Variants in BICDL1 observed in about 807,000 individuals in gnomAD.
BICDL1 encodes the protein BICD family like cargo adaptor 1.
In BICDL1, 20 loss-of-function variants were observed where a neutral mutation model predicts 76.8. The ratio of observed to expected loss-of-function variants is 0.26; its 90% CI spans 0.18 to 0.38. The LOEUF (loss-of-function observed/expected upper bound fraction) is 0.38. Among genes scored for constraint, BICDL1 ranks in the 10% least tolerant of loss-of-function variants. BICDL1 has a pLI of 1.00. For missense variants in BICDL1, 700 were observed against 798.6 expected (o/e 0.88, Z 1.49); for synonymous variants, 383 against 337.1 (o/e 1.14, Z -1.49).
At chr12:120,024,696 TTTC>T (rs1952253186) in intron 2 of BICDL1, among the ~76,000 whole-genome samples, 1 of 152,124 alleles carries the variant, frequency 6.6e-6, no homozygotes. Flanking sequence ...TCTTTCTTTC[TTTC>T]TTTTTTTTAA....
chr12:120,047,674 T>C (rs1386526918), intron 2 of BICDL1, among the ~76,000 whole-genome samples: 1 of 151,680 alleles, frequency 6.6e-6, no homozygotes, highest in African/African-American at 2.4e-5. Flanking sequence ...TGAAAGGTAG[T>C]TTTTTTTTAA....
chr12:120,084,890 CAA>C (rs1241742796), intron 8 of BICDL1, among the ~76,000 whole-genome samples: 22 of 124,284 alleles, frequency 1.8e-4, no homozygotes, highest in Admixed American at 2.5e-4. Flanking sequence ...GACTCTGTCT[CAA>C]AAAAAAAAAA....
intron 1 of BICDL1, among the ~76,000 whole-genome samples, chr12:119,993,839 C>T (rs1191370828): frequency 3.9e-5 from 6 of 152,184 alleles, no homozygotes; most frequent in Non-Finnish European, 5.9e-5. Flanking sequence ...TGGTCTTGAA[C>T]TCCTGACCTC....
Position 120,094,150 on chromosome 12 carries a change from C to CCTGCAGTGGCTGCTGCTCCTGCCT in BICDL1, c.*996_*1019dup, listed in dbSNP as rs1227813962. Reference sequence around the variant, plus strand: ...GATGCTGCCTGCCTGCCTGCAGAAGCCTGCAGTGGCTGCTGCTCCTGCCTC... The same window carrying CCTGCAGTGGCTGCTGCTCCTGCCT: ...GATGCTGCCTGCCTGCCTGCAGAAGCCTGCAGTGGCTGCTGCTCCTGCCTCTGCAGTGGCTGCTGCTCCTGCCTC... On this transcript the variant is annotated 3_prime_UTR_variant, in exon 10 of 10. Coordinates refer to ENST00000548673, the MANE Select transcript of BICDL1 (RefSeq NM_001367886.1). 3 of 444,250 alleles carry CCTGCAGTGGCTGCTGCTCCTGCCT rather than the reference C, an allele frequency of 6.8e-6. No individual in the cohort carries two copies. Among genetic ancestry groups the CCTGCAGTGGCTGCTGCTCCTGCCT allele is most frequent in the Non-Finnish European group, 1.4e-5 (3 of 219,212 alleles). 27.5% of individuals were successfully genotyped at this position (444,250 alleles called of 1,614,324 possible). A position where few individuals can be genotyped will look rare whatever the true frequency, so the allele number is the denominator to read the frequency against.
chr12:120,050,416 G>A lies in BICDL1; in HGVS notation c.646-11294G>A, dbSNP rs559748558. On this transcript the variant is annotated intron_variant, in intron 2 of 9. Transcript: ENST00000548673. ...CAAGTAGTTGGGACTACAGGTGCCC[G>A]CCACCACGCCCAGCTAATTTTTTTG... Among the ~76,000 whole-genome samples, 7 of 149,454 alleles carry A rather than the reference G, an allele frequency of 4.7e-5. No individual in the cohort carries two copies. The East Asian group carries it at 8.2e-4, about 18-fold the overall frequency.
intron 1 of BICDL1, among the ~76,000 whole-genome samples, chr12:119,991,134 A>T (rs1399969616): frequency 6.6e-6 from 1 of 152,166 alleles, no homozygotes; most frequent in Non-Finnish European, 1.5e-5. Context: ...ATTTCTAAAA[A>T]TTAGATTGCA....
chr12:120,091,526 G>T (rs1028027797), intron 9 of BICDL1: 28 of 960,458 alleles, frequency 2.9e-5, no homozygotes, highest in Non-Finnish European at 3.0e-5. Context: ...GAGGGACCGT[G>T]TGTTGGCAAA....
rs77244470 is a variant in BICDL1, at chr12:120,027,787, A to C, written c.645+29051A>C. ...AGCATCCAAAATATGTTTGGTCTCC[A>C]CAGAACTAGGTTAGCTATTTTCATC... On this transcript the variant is annotated intron_variant, in intron 2 of 9. Transcript: ENST00000548673. 8.5e-3 allele frequency among the ~76,000 whole-genome samples: 1,293 copies of C among 152,318 alleles called. 16 individuals carry two copies. The highest frequency in any genetic ancestry group is 0.029 in the African/African-American group (1,209 of 41,554).
intron 8 of BICDL1, among the ~76,000 whole-genome samples, chr12:120,082,926 G>T (rs531787546): frequency 9.9e-5 from 15 of 152,020 alleles, no homozygotes; most frequent in Admixed American, 2.6e-4. Context: ...TGTCACCCAT[G>T]CTCACAGCTC....
At chr12:120,089,747 A>T (rs1874801903) in intron 8 of BICDL1, among the ~76,000 whole-genome samples, 1 of 152,204 alleles carries the variant, frequency 6.6e-6, no homozygotes, top group Non-Finnish European at 1.5e-5. Context: ...CAGGTTGGTT[A>T]TGAAAACTGG....
chr12:120,025,208 G>T (rs1307004172), intron 2 of BICDL1, among the ~76,000 whole-genome samples: 1 of 151,762 alleles, frequency 6.6e-6, no homozygotes, highest in African/African-American at 2.4e-5. Flanking sequence ...CCGCCACCTC[G>T]CCCGGCTAAT....
intron 1 of BICDL1, among the ~76,000 whole-genome samples, chr12:119,993,603 A>T (rs1432168815): frequency 6.6e-6 from 1 of 150,684 alleles, no homozygotes; most frequent in African/African-American, 2.4e-5. Flanking sequence ...ACTGAATCAG[A>T]TGCTTAAAGT....
At chr12:120,086,442 C>T (rs1874422591) in intron 8 of BICDL1, among the ~76,000 whole-genome samples, 1 of 152,224 alleles carries the variant, frequency 6.6e-6, no homozygotes, top group Non-Finnish European at 1.5e-5. Context: ...GGGGAGCGCT[C>T]AGACACCAGG....
intron 2 of BICDL1, among the ~76,000 whole-genome samples, chr12:120,031,305 G>A (rs1182510021): frequency 6.7e-6 from 1 of 149,598 alleles, no homozygotes; most frequent in Non-Finnish European, 1.5e-5. Context: ...CTGGGTTCAC[G>A]CCATTCTCCT....
chr12:120,003,983 A>G (rs1951807609), intron 2 of BICDL1, among the ~76,000 whole-genome samples: 1 of 152,132 alleles, frequency 6.6e-6, no homozygotes, highest in Admixed American at 6.5e-5. Flanking sequence ...GTGTCATCTC[A>G]TCTGTTCTCA....
chr12:120,089,301 T>C (rs945276543), intron 8 of BICDL1, among the ~76,000 whole-genome samples: 1 of 125,976 alleles, frequency 7.9e-6, no homozygotes, highest in Non-Finnish European at 1.5e-5. Flanking sequence ...TGTGTGTGTG[T>C]GTGGGGTGTG....
intron 2 of BICDL1, among the ~76,000 whole-genome samples, chr12:120,025,217 AT>A (rs1208308074): frequency 6.6e-6 from 1 of 151,510 alleles, no homozygotes; most frequent in Non-Finnish European, 1.5e-5. Context: ...CGCCCGGCTA[AT>A]TTTTTGTATT....
intron 7 of BICDL1, among the ~76,000 whole-genome samples, chr12:120,077,464 A>T (rs1873640961): frequency 6.8e-6 from 1 of 148,030 alleles, no homozygotes; most frequent in African/African-American, 2.5e-5. Context: ...AGTCTGTAGA[A>T]TATGAACACG....
At chr12:120,091,830 G>T (rs1487219915) in intron 9 of BICDL1, 1 of 985,244 alleles carries the variant, frequency 1.0e-6, no homozygotes, top group Non-Finnish European at 1.2e-6. Context: ...AGATGGAGGG[G>T]CCCAGCCAGC....
Sources: gnomAD v4.1 joint callset for allele counts (sites outside exome capture counted in the v4.1 genomes callset) on GRCh38, gnomAD v4.1.1 for gene constraint, MANE v1.5 for transcripts, NCBI Gene and HGNC (gene_info 2026-07-23, HGNC 2026-07-21) for gene names.